FOXJ3: variants seen among roughly 807,000 people sequenced by gnomAD.
FOXJ3 encodes forkhead box protein J3.
Under a neutral mutation model 76.1 loss-of-function variants are expected in FOXJ3, and 22 were observed. That is an observed-to-expected ratio of 0.29 (90% confidence interval 0.21 to 0.41). FOXJ3 has a LOEUF of 0.41. Ranked by LOEUF, FOXJ3 falls within the 10% of genes least tolerant of loss-of-function variation. The pLI is 1.00. For missense variants in FOXJ3, 613 were observed against 762.1 expected (o/e 0.80, Z 2.30); for synonymous variants, 269 against 261.2 (o/e 1.03, Z -0.29).
intron 3 of FOXJ3, among the ~76,000 whole-genome samples, chr1:42,271,736 C>A (rs1651880655): frequency 1.3e-5 from 2 of 152,160 alleles, no homozygotes; most frequent in Non-Finnish European, 2.9e-5. Flanking sequence ...GCAACCTCAA[C>A]CTCCTGGGCT....
At chr1:42,324,393 C>T (rs920798355) in intron 1 of FOXJ3, among the ~76,000 whole-genome samples, 2 of 145,962 alleles carry the variant, frequency 1.4e-5, no homozygotes, top group Admixed American at 1.4e-4. Context: ...CATATAAATA[C>T]TATATATACT....
At chr1:42,310,537 T>C (rs974827450) in intron 2 of FOXJ3, among the ~76,000 whole-genome samples, 1 of 151,352 alleles carries the variant, frequency 6.6e-6, no homozygotes, top group African/African-American at 2.4e-5. Context: ...AACCTCCGCC[T>C]ACCAGGTTCA....
chr1:42,256,303 A>G (rs972665137), intron 4 of FOXJ3, among the ~76,000 whole-genome samples: 8 of 152,102 alleles, frequency 5.3e-5, no homozygotes, highest in African/African-American at 1.9e-4. Context: ...ACCATAGTCT[A>G]AAAAAACATT....
intron 11 of FOXJ3, among the ~76,000 whole-genome samples, chr1:42,187,675 GGAGA>G (rs148711337): frequency 1.3e-5 from 2 of 151,546 alleles, no homozygotes; most frequent in Admixed American, 6.6e-5. Context: ...ACTAACAAAA[GGAGA>G]GAGAGAGAGA....
intron 1 of FOXJ3, among the ~76,000 whole-genome samples, chr1:42,311,700 A>G (rs771594615): frequency 1.4e-5 from 2 of 138,000 alleles, no homozygotes; most frequent in African/African-American, 2.6e-5. Context: ...TGAAACAGAA[A>G]GAACTTTGAA....
chr1:42,193,224 T>G lies in FOXJ3; in HGVS notation c.935-1505A>C, dbSNP rs1438386254. 2.0e-5 allele frequency among the ~76,000 whole-genome samples: 3 copies of G among 152,166 alleles called. No individual in the cohort carries two copies. In the East Asian group the frequency reaches 5.8e-4, roughly 29 times the overall value. The stretch of plus-strand genomic sequence containing the variant: ...CATCTGCACAGTTCTCCTCCTGCAG[T>G]CCCTAAGATCTTTACAAAAGCCAAG... On this transcript the variant is annotated intron_variant, in intron 8 of 12. Coordinates refer to ENST00000361346, the MANE Select transcript of FOXJ3 (RefSeq NM_014947.5).
intron 1 of FOXJ3, among the ~76,000 whole-genome samples, chr1:42,329,910 G>A (rs1343780072): frequency 6.6e-6 from 1 of 151,780 alleles, no homozygotes; most frequent in Non-Finnish European, 1.5e-5. Context: ...AAACAGAACA[G>A]TGTAGTGATT....
chr1:42,306,644 T>C (rs182008351), intron 2 of FOXJ3, among the ~76,000 whole-genome samples: 62 of 152,224 alleles, frequency 4.1e-4, no homozygotes, highest in South Asian at 1.0e-3. Flanking sequence ...AACTCAGGAA[T>C]TGAACAGATG....
intron 2 of FOXJ3, among the ~76,000 whole-genome samples, chr1:42,302,817 T>C (rs954628617): frequency 6.6e-6 from 1 of 152,132 alleles, no homozygotes; most frequent in Non-Finnish European, 1.5e-5. Context: ...ACTCTTAGTA[T>C]ATTCAGTGAT....
At position 42,188,814 on chromosome 1, in the gene FOXJ3, T is replaced by C. The variant is rs747223827; in HGVS notation, c.1568A>G (p.His523Arg). Reference protein sequence around the residue: ...NQFFTQTGLIHSQSNVQQNVC... With the variant: ...NQFFTQTGLIRSQSNVQQNVC... ...ATTTTGTTGAACATTACTCTGTGAA[T>C]GTATAAGGCCAGTTTGTGTAAAGAA... is the stretch of plus-strand genomic sequence containing the variant. Residue 523 changes from histidine to arginine, a missense_variant, in exon 11 of 13, where the codon CAT becomes CGT. Transcript: ENST00000361346. 2.0e-5 allele frequency: 33 copies of C among 1,613,128 alleles called. No individual in the cohort carries two copies. The highest frequency in any genetic ancestry group is 2.6e-5 in the Non-Finnish European group (31 of 1,179,460).
intron 1 of FOXJ3, among the ~76,000 whole-genome samples, chr1:42,317,580 G>C (rs1187372508): frequency 6.7e-6 from 1 of 149,512 alleles, no homozygotes; most frequent in Non-Finnish European, 1.5e-5. Context: ...ATATAAGAGA[G>C]AGAAAGGCAA....
At chr1:42,227,462 G>A (rs1478856623) in intron 5 of FOXJ3, among the ~76,000 whole-genome samples, 2 of 152,202 alleles carry the variant, frequency 1.3e-5, no homozygotes, top group Non-Finnish European at 2.9e-5. Context: ...GAAATGTTGT[G>A]TACAAAGTGA....
chr1:42,183,329 AGGG>A (rs1370425309), intron 11 of FOXJ3, among the ~76,000 whole-genome samples: 1 of 300 alleles, frequency 3.3e-3, no homozygotes, highest in African/African-American at 0.016. Flanking sequence ...AGGGGAGGGG[AGGG>A]GAGGGGAGGG....
At chr1:42,245,824 C>T (rs1250732936) in intron 4 of FOXJ3, among the ~76,000 whole-genome samples, 1 of 152,016 alleles carries the variant, frequency 6.6e-6, no homozygotes, top group East Asian at 1.9e-4. Flanking sequence ...CACAGTCAGG[C>T]AAGAAAAGGA....
chr1:42,287,334 C>G (rs1160780230), intron 2 of FOXJ3, among the ~76,000 whole-genome samples: 1 of 151,310 alleles, frequency 6.6e-6, no homozygotes, highest in Non-Finnish European at 1.5e-5. Context: ...AGTGAGACTC[C>G]ATCTTAAAAA....
chr1:42,330,658 A>C (rs575843070), intron 1 of FOXJ3, among the ~76,000 whole-genome samples: 12 of 152,260 alleles, frequency 7.9e-5, no homozygotes, highest in South Asian at 6.2e-4. Context: ...AACAAACAAA[A>C]AAAAACAGTG....
chr1:42,248,856 A>G (rs1329187062), intron 4 of FOXJ3, among the ~76,000 whole-genome samples: 2 of 149,982 alleles, frequency 1.3e-5, no homozygotes, highest in Non-Finnish European at 2.9e-5. Flanking sequence ...CTAGGTTTTA[A>G]GCCCTGCATA....
chr1:42,237,125 C>T (rs941531297), intron 4 of FOXJ3, among the ~76,000 whole-genome samples: 1 of 151,930 alleles, frequency 6.6e-6, no homozygotes, highest in Non-Finnish European at 1.5e-5. Context: ...CCTGTAATCC[C>T]AGCACTCTCG....
chr1:42,256,445 C>T (rs373221239), intron 4 of FOXJ3, among the ~76,000 whole-genome samples: 16 of 152,284 alleles, frequency 1.1e-4, no homozygotes, highest in African/African-American at 3.8e-4. Flanking sequence ...GGAGAAGATA[C>T]ACAAATGCCC....
Sources: allele counts gnomAD v4.1 joint callset (sites outside exome capture counted in the v4.1 genomes callset), GRCh38; gene constraint gnomAD v4.1.1; transcripts MANE v1.5; gene names NCBI Gene and HGNC (gene_info 2026-07-23, HGNC 2026-07-21).